The following TJP1 variants were observed in gnomAD, a reference collection of about 807,000 sequenced individuals.
TJP1 encodes tight junction protein 1.
TJP1 carries 43 observed loss-of-function variants against 194.2 expected under a neutral mutation model. That is an observed-to-expected ratio of 0.22 (90% CI 0.17 to 0.29). TJP1 has a LOEUF of 0.29. Ranked by LOEUF, TJP1 falls within the 10% of genes least tolerant of loss-of-function variation. TJP1 has a pLI of 1.00. For synonymous variants in TJP1, 801 were observed against 779.0 expected (o/e 1.03, Z -0.47); for missense variants, 1,971 against 2,185.7 (o/e 0.90, Z 1.96).
intron 22 of TJP1, 106 bp downstream of exon 22, chr15:29,717,915 C>T: frequency 1.1e-6 from 1 of 878,590 alleles, no homozygotes; most frequent in Non-Finnish European, 1.8e-6. Flanking sequence ...CAAACTCCTC[C>T]TATTCACACC....
Position 29,761,167 on chromosome 15 carries a change from G to A in TJP1, c.982C>T (p.His328Tyr). The change falls in exon 8 of 28, where the codon CAC becomes TAC. Residue 328 changes from histidine to tyrosine, a missense_variant. Physicochemically the swap from His to Tyr is moderately conservative, Grantham distance 83 (BLOSUM62 2). Transcript: ENST00000614355. ...CCATTGCTTGGCTGCTGCGGCGAGT[G>A]CCTGGAATGATCAGAAGGCTCTGAC... ...QRSEPSDHSR[H>Y]SPQQPSNGSL... The A allele has an allele frequency of 6.2e-7, 1 of 1,612,546 alleles. No individual in the cohort carries two copies. Among genetic ancestry groups the A allele is most frequent in the Non-Finnish European group, 8.5e-7 (1 of 1,179,436 alleles).
chr15:29,857,885 C>T (rs923058295), intron 2 of TJP1, among the ~76,000 whole-genome samples: 4 of 152,166 alleles, frequency 2.6e-5, no homozygotes, highest in East Asian at 1.9e-4. Context: ...CCTCAGCCTC[C>T]GGACTAGCTG....
At chr15:29,951,287 C>T (rs1282518465) in intron 2 of TJP1, among the ~76,000 whole-genome samples, 1 of 151,988 alleles carries the variant, frequency 6.6e-6, no homozygotes, top group Non-Finnish European at 1.5e-5. Context: ...TCTGCCTCAG[C>T]CTCCCAAGTA....
intron 1 of TJP1, among the ~76,000 whole-genome samples, chr15:29,805,748 T>C (rs867689879): frequency 6.6e-6 from 1 of 152,122 alleles, no homozygotes; most frequent in Non-Finnish European, 1.5e-5. Flanking sequence ...TTGCACCACA[T>C]AGATAAGAGC....
At chr15:29,951,973 T>C (rs913905626) in intron 2 of TJP1, among the ~76,000 whole-genome samples, 3 of 152,220 alleles carry the variant, frequency 2.0e-5, no homozygotes, top group African/African-American at 4.8e-5. Flanking sequence ...CTGCAAAATT[T>C]CAAGCAATTT....
Position 29,822,106 on chromosome 15 carries a change from C to A in TJP1, c.-78G>T. On this transcript the variant is annotated 5_prime_UTR_variant, in exon 1 of 28. Coordinates refer to ENST00000614355, the MANE Select transcript of TJP1 (RefSeq NM_001330239.4). ...GCTGGCCCGCCCGCTCCTCACGCCACAGCCCAAATAAACATCTCCCGAGAG... is the reference window on the plus strand; with the variant it reads ...GCTGGCCCGCCCGCTCCTCACGCCAAAGCCCAAATAAACATCTCCCGAGAG... 8.1e-7 allele frequency: 1 copy of A among 1,231,384 alleles called. No homozygotes were observed. The highest frequency in any genetic ancestry group is 1.0e-6 in the Non-Finnish European group (1 of 985,040). The allele number at this position is 1,231,384 out of a possible 1,614,324, so 76.3% of individuals were successfully genotyped here.
intron 1 of TJP1, among the ~76,000 whole-genome samples, chr15:29,958,755 C>T (rs1379497253): frequency 7.9e-6 from 1 of 126,178 alleles, no homozygotes; most frequent in South Asian, 2.3e-4. Context: ...GGCATTAGCA[C>T]GTCTTCATTC....
intron 1 of TJP1, among the ~76,000 whole-genome samples, chr15:29,809,876 T>C (rs1014818871): frequency 6.6e-6 from 1 of 152,034 alleles, no homozygotes; most frequent in Non-Finnish European, 1.5e-5. Context: ...ACTTAAGTAC[T>C]TGATTTGGAG....
intron 2 of TJP1, among the ~76,000 whole-genome samples, chr15:29,834,298 T>C (rs562291499): frequency 2.2e-4 from 34 of 151,524 alleles, no homozygotes; most frequent in Admixed American, 7.9e-4. Context: ...CTCGGCTCAC[T>C]GCATCCTCCA....
intron 25 of TJP1, among the ~76,000 whole-genome samples, chr15:29,708,237 T>A (rs974121975): frequency 2.7e-5 from 4 of 149,932 alleles, no homozygotes; most frequent in African/African-American, 9.8e-5. Flanking sequence ...AGAGGTCGGA[T>A]GACCAGCAGC....
chr15:29,830,110 T>C (rs1192984940), intron 2 of TJP1, among the ~76,000 whole-genome samples: 1 of 151,808 alleles, frequency 6.6e-6, no homozygotes, highest in Non-Finnish European at 1.5e-5. Flanking sequence ...CCTAACTAAA[T>C]AGATAAAAGA....
chr15:29,785,880 G>A (rs1037887380), intron 2 of TJP1, among the ~76,000 whole-genome samples: 1 of 152,162 alleles, frequency 6.6e-6, no homozygotes, highest in African/African-American at 2.4e-5. Context: ...GCAGGCCTGG[G>A]TCCTGTGTGT....
At chr15:29,830,247 CAT>C (rs1268383168) in intron 2 of TJP1, among the ~76,000 whole-genome samples, 1 of 151,440 alleles carries the variant, frequency 6.6e-6, no homozygotes, top group African/African-American at 2.4e-5. Flanking sequence ...TGTATGTGTA[CAT>C]CAACTAAAAC....
intron 2 of TJP1, among the ~76,000 whole-genome samples, chr15:29,841,694 G>GT (rs1002280462): frequency 5.9e-5 from 9 of 151,632 alleles, no homozygotes; most frequent in Non-Finnish European, 1.2e-4. Context: ...TGGAGCCCCT[G>GT]TTTTTTTCCT....
intron 2 of TJP1, among the ~76,000 whole-genome samples, chr15:29,931,584 T>C (rs991170792): frequency 3.3e-5 from 5 of 152,274 alleles, no homozygotes; most frequent in Admixed American, 2.6e-4. Flanking sequence ...ATCTGACAGA[T>C]TGATAATTAT....
intron 2 of TJP1, among the ~76,000 whole-genome samples, chr15:29,949,449 TCACCACCACTTCCACCACCACCAC>T (rs2055474822): frequency 2.7e-5 from 1 of 36,534 alleles, no homozygotes; most frequent in African/African-American, 9.8e-5. Context: ...ACCTCCACCT[TCACCACCACTTCCACCACCACCAC>T]CTCCACAACC....
intron 2 of TJP1, among the ~76,000 whole-genome samples, chr15:29,953,602 T>C (rs940925501): frequency 1.2e-4 from 19 of 152,214 alleles, no homozygotes; most frequent in African/African-American, 4.3e-4. Context: ...TATTTATTTT[T>C]TTTATTGCTT....
At position 29,701,432 on chromosome 15, in the gene TJP1, T is replaced by G. The variant is rs1259785184; in HGVS notation, c.*163A>C. Reference sequence around the variant, plus strand: ...CAGTGTGTAGCATGTTTTCCGACCATGGTTCAGGGGCATGCTCACTCATCT... The same window carrying G: ...CAGTGTGTAGCATGTTTTCCGACCAGGGTTCAGGGGCATGCTCACTCATCT... On this transcript the variant is annotated 3_prime_UTR_variant, in exon 28 of 28. Transcript: ENST00000614355. 6 of 549,312 alleles carry G rather than the reference T, an allele frequency of 1.1e-5. No homozygotes were observed. The highest frequency in any genetic ancestry group is 8.5e-5 in the East Asian group (3 of 35,488). 34.0% of individuals were successfully genotyped at this position (549,312 alleles called of 1,614,324 possible).
intron 2 of TJP1, among the ~76,000 whole-genome samples, chr15:29,797,032 AAGGAAAACAG>A (rs1268296828): frequency 3.9e-5 from 6 of 152,258 alleles, no homozygotes; most frequent in Non-Finnish European, 8.8e-5. Context: ...AAAACTTTTA[AAGGAAAACAG>A]AGGAAAAATT....
Sources: allele counts gnomAD v4.1 joint callset (sites outside exome capture counted in the v4.1 genomes callset), GRCh38; gene constraint gnomAD v4.1.1; transcripts MANE v1.5; gene names NCBI Gene and HGNC (gene_info 2026-07-23, HGNC 2026-07-21).